CDKAL1: variants seen among roughly 807,000 people sequenced by gnomAD.
CDKAL1 encodes threonylcarbamoyladenosine tRNA methylthiotransferase.
Under a neutral mutation model 68.2 loss-of-function variants are expected in CDKAL1, and 32 were observed. The ratio of observed to expected loss-of-function variants is 0.47; its 90% CI spans 0.35 to 0.63. CDKAL1 has a LOEUF of 0.63. CDKAL1 is among the 30% of genes least tolerant of loss of function. The pLI is 0.00. For synonymous variants in CDKAL1, 234 were observed against 244.3 expected, an observed-to-expected ratio of 0.96 and a Z score of 0.39; for missense variants, 606 against 696.7, an observed-to-expected ratio of 0.87 and a Z score of 1.47.
At chr6:21,089,710 C>A (rs1161828071) in intron 12 of CDKAL1, among the ~76,000 whole-genome samples, 1 of 152,172 alleles carries the variant, frequency 6.6e-6, no homozygotes, top group Non-Finnish European at 1.5e-5. Flanking sequence ...CAAAAAGGAA[C>A]ACCTTACAGC....
At chr6:21,043,759 T>A (rs1423214263) in intron 11 of CDKAL1, among the ~76,000 whole-genome samples, 1 of 152,220 alleles carries the variant, frequency 6.6e-6, no homozygotes, top group Non-Finnish European at 1.5e-5. Context: ...AAGCAATTCT[T>A]ATTCAAGGCT....
chr6:21,161,575 C>T (rs1264456398), intron 13 of CDKAL1, among the ~76,000 whole-genome samples: 1 of 152,036 alleles, frequency 6.6e-6, no homozygotes, highest in Admixed American at 6.6e-5. Context: ...GAGAATGTAT[C>T]CACTTAATAT....
intron 8 of CDKAL1, among the ~76,000 whole-genome samples, chr6:20,800,052 C>G (rs926815607): frequency 6.6e-6 from 1 of 152,226 alleles, no homozygotes; most frequent in Non-Finnish European, 1.5e-5. Flanking sequence ...CTATGAAAAT[C>G]TATACAATGG....
intron 4 of CDKAL1, among the ~76,000 whole-genome samples, chr6:20,629,536 A>C (rs1210403341): frequency 6.6e-6 from 1 of 152,118 alleles, no homozygotes; most frequent in African/African-American, 2.4e-5. Context: ...CCTCTATAGG[A>C]ATGCCCTTTT....
chr6:20,579,909 G>A (rs537673598), intron 4 of CDKAL1, among the ~76,000 whole-genome samples: 6 of 152,174 alleles, frequency 3.9e-5, no homozygotes, highest in Non-Finnish European at 8.8e-5. Context: ...TGTAGGGGAG[G>A]GAAGGATATG....
chr6:20,865,877 C>G (rs1234766498), intron 9 of CDKAL1, among the ~76,000 whole-genome samples: 2 of 152,160 alleles, frequency 1.3e-5, no homozygotes, highest in Admixed American at 1.3e-4. Flanking sequence ...CCTCATGCCA[C>G]AGGCTTGCAT....
chr6:20,886,179 A>G (rs1027568087), intron 9 of CDKAL1, among the ~76,000 whole-genome samples: 7 of 152,258 alleles, frequency 4.6e-5, no homozygotes, highest in African/African-American at 1.7e-4. Flanking sequence ...GTGTGATGCA[A>G]ATCAAAACCC....
chr6:21,150,763 A>G (rs1361410003), intron 13 of CDKAL1, among the ~76,000 whole-genome samples: 3 of 152,210 alleles, frequency 2.0e-5, no homozygotes, highest in Non-Finnish European at 4.4e-5. Flanking sequence ...TCTATATTCC[A>G]TCACTGGCTT....
intron 13 of CDKAL1, among the ~76,000 whole-genome samples, chr6:21,186,959 T>C (rs1778040205): frequency 6.6e-6 from 1 of 152,184 alleles, no homozygotes; most frequent in South Asian, 2.1e-4. Context: ...GTGAAATTTG[T>C]TTGAATAATA....
chr6:20,725,301 C>T lies in CDKAL1; in HGVS notation c.372-14218C>T, dbSNP rs9350274. 2.0e-5 allele frequency among the ~76,000 whole-genome samples: 3 copies of T among 152,202 alleles called. No homozygotes were observed. The East Asian group carries it at 5.8e-4, about 29-fold the overall frequency. The stretch of plus-strand genomic sequence containing the variant: ...TCATAATAGGAATATAGAATATATG[C>T]CATATACTTGAGGTTACTTTTGTTA... On this transcript the variant is annotated intron_variant, in intron 5 of 15. Transcript: ENST00000274695.
intron 12 of CDKAL1, among the ~76,000 whole-genome samples, chr6:21,074,899 C>T (rs911420101): frequency 6.6e-6 from 1 of 151,600 alleles, no homozygotes; most frequent in Non-Finnish European, 1.5e-5. Flanking sequence ...GGTTTTAGTG[C>T]ACCCATCATG....
intron 13 of CDKAL1, among the ~76,000 whole-genome samples, chr6:21,146,801 A>G (rs1323650911): frequency 1.3e-5 from 2 of 150,036 alleles, no homozygotes; most frequent in Admixed American, 6.7e-5. Context: ...CAGTGAGCCA[A>G]GATCTCGCCA....
chr6:21,188,017 G>A (rs1296216347), intron 13 of CDKAL1, among the ~76,000 whole-genome samples: 3 of 152,140 alleles, frequency 2.0e-5, no homozygotes, highest in African/African-American at 7.2e-5. Flanking sequence ...CATATGTGCT[G>A]TATGTAGATA....
intron 8 of CDKAL1, among the ~76,000 whole-genome samples, chr6:20,839,972 A>T (rs933128069): frequency 1.6e-4 from 24 of 152,226 alleles, no homozygotes; most frequent in African/African-American, 5.8e-4. Context: ...GTTCCTTAAG[A>T]ATATTGAGAT....
intron 4 of CDKAL1, among the ~76,000 whole-genome samples, chr6:20,608,717 G>C (rs1766443846): frequency 6.6e-6 from 1 of 152,214 alleles, no homozygotes; most frequent in Admixed American, 6.5e-5. Context: ...CTACCTTGGG[G>C]AACCAGGTCA....
Position 20,947,269 on chromosome 6 carries a change from C to A in CDKAL1, c.743-8150C>A, listed in dbSNP as rs1423537670. On this transcript the variant is annotated intron_variant, in intron 9 of 15. Coordinates refer to ENST00000274695, the MANE Select transcript of CDKAL1 (RefSeq NM_017774.3). ...ATGATGGGGTCACATCCCAGTAAAC[C>A]CATTGTAAGTTGAAAATATAAGTTG... Among the ~76,000 whole-genome samples, 4 of 152,174 alleles carry A rather than the reference C, an allele frequency of 2.6e-5. No individual in the cohort carries two copies. The East Asian group carries it at 7.7e-4, about 29-fold the overall frequency.
intron 11 of CDKAL1, among the ~76,000 whole-genome samples, chr6:21,028,680 G>A (rs1769094336): frequency 6.6e-6 from 1 of 152,116 alleles, no homozygotes; most frequent in Admixed American, 6.5e-5. Context: ...GGGGTATTAG[G>A]GCTTCAACAT....
chr6:21,077,161 T>G (rs913338594), intron 12 of CDKAL1, among the ~76,000 whole-genome samples: 1 of 152,168 alleles, frequency 6.6e-6, no homozygotes, highest in Non-Finnish European at 1.5e-5. Flanking sequence ...TTTAGGTGCT[T>G]TCTTTTTCTA....
intron 5 of CDKAL1, among the ~76,000 whole-genome samples, chr6:20,649,989 T>C (rs1054550677): frequency 6.6e-6 from 1 of 152,230 alleles, no homozygotes; most frequent in Non-Finnish European, 1.5e-5. Context: ...GTTGATTCCA[T>C]GTCTTTGCTA....
Sources: allele counts gnomAD v4.1 joint callset (sites outside exome capture counted in the v4.1 genomes callset), GRCh38; gene constraint gnomAD v4.1.1; transcripts MANE v1.5; gene names NCBI Gene and HGNC (gene_info 2026-07-23, HGNC 2026-07-21).